PPP2R1B: variants seen among roughly 807,000 people sequenced by gnomAD.
PPP2R1B encodes protein phosphatase 2 scaffold subunit Abeta.
PPP2R1B carries 58 observed loss-of-function variants against 72.7 expected under a neutral mutation model. The ratio of observed to expected loss-of-function variants is 0.80; its 90% CI spans 0.65 to 0.99. PPP2R1B has a LOEUF of 0.99. Ranked by LOEUF, PPP2R1B falls within the 50% of genes least tolerant of loss-of-function variation. The pLI, the probability that PPP2R1B is intolerant of heterozygous loss-of-function variation, is 0.00. For missense variants in PPP2R1B, 695 were observed against 733.6 expected, an observed-to-expected ratio of 0.95 and a Z score of 0.61; for synonymous variants, 256 against 264.6, an observed-to-expected ratio of 0.97 and a Z score of 0.32.
At chr11:111,695,586 G>A in the PPP2R1B span, among the ~76,000 whole-genome samples, 4 of 152,100 alleles carry the variant, frequency 2.6e-5, no homozygotes, top group African/African-American at 9.6e-5. Context: ...CTGTTTTCTG[G>A]CTAGTCAAAA....
chr11:111,747,074 A>G (rs961166329), intron 11 of PPP2R1B, among the ~76,000 whole-genome samples: 5 of 152,204 alleles, frequency 3.3e-5, no homozygotes, highest in African/African-American at 1.2e-4. Context: ...CACTAAATAC[A>G]TATATCAAGT....
chr11:111,735,692 G>C (rs1056768074), downstream of PPP2R1B, among the ~76,000 whole-genome samples: 1 of 152,240 alleles, frequency 6.6e-6, no homozygotes, highest in Non-Finnish European at 1.5e-5. Flanking sequence ...CAGCCCCAGG[G>C]ATGTCCAATG....
chr11:111,766,316 C>T lies in PPP2R1B; in HGVS notation c.46G>A (p.Gly16Arg), dbSNP rs1555053169. ...ELGTGPGAAG[G>R]DGDDSLYPIA... is the part of the protein sequence containing the mutation. Reference sequence around the variant, plus strand: ...GGGTATAGCGAATCATCTCCATCTCCACCCGCTGCTCCTGGGCCGGTCCCG... The same window carrying T: ...GGGTATAGCGAATCATCTCCATCTCTACCCGCTGCTCCTGGGCCGGTCCCG... Residue 16 changes from glycine (G) to arginine (R), a missense_variant, in exon 1 of 15, where the codon GGA (glycine) becomes AGA (arginine). Transcript: ENST00000527614. 8 of 1,604,990 alleles carry T rather than the reference C, an allele frequency of 5.0e-6. No individual in the cohort carries two copies. In the East Asian group the frequency reaches 1.6e-4, roughly 31 times the overall value.
chr11:111,697,499 C>T, the PPP2R1B span, among the ~76,000 whole-genome samples: 2 of 152,120 alleles, frequency 1.3e-5, no homozygotes, highest in African/African-American at 2.4e-5. Flanking sequence ...ATGTTTCAAT[C>T]GCAATATAAT....
downstream of PPP2R1B, chr11:111,723,674 C>T (rs1327388735): frequency 1.2e-6 from 2 of 1,613,688 alleles, no homozygotes; most frequent in Non-Finnish European, 1.7e-6. Flanking sequence ...GCCCCTGAGC[C>T]CCGTCCTGGA....
At chr11:111,765,212 T>C (rs1945478173) in intron 2 of PPP2R1B, 82 bp downstream of exon 2, 2 of 1,333,476 alleles carry the variant, frequency 1.5e-6, no homozygotes, top group African/African-American at 2.9e-5. Context: ...TTAATGTGGG[T>C]AATAAACTCT....
chr11:111,760,794 A>G, intron 4 of PPP2R1B, 25 bp downstream of exon 4: 1 of 1,601,882 alleles, frequency 6.2e-7, no homozygotes, highest in Non-Finnish European at 8.5e-7. Flanking sequence ...CTGCTTTAAC[A>G]AGGCAAAAAA....
chr11:111,748,736 C>G (rs1944793285), intron 10 of PPP2R1B, among the ~76,000 whole-genome samples: 1 of 152,210 alleles, frequency 6.6e-6, no homozygotes, highest in African/African-American at 2.4e-5. Flanking sequence ...TACACATTTA[C>G]AGTCTTGCTT....
chr11:111,714,200 A>C, the PPP2R1B span, among the ~76,000 whole-genome samples: 2 of 152,228 alleles, frequency 1.3e-5, no homozygotes, highest in Non-Finnish European at 2.9e-5. Flanking sequence ...GTCCATCTCC[A>C]TAGAGAAGGG....
intron 15 of PPP2R1B, chr11:111,727,257 G>T (rs1565406892): frequency 5.0e-6 from 3 of 597,626 alleles, no homozygotes; most frequent in African/African-American, 1.9e-5. Context: ...GCCCACCAGG[G>T]GAGTGGGGAT....
the PPP2R1B span, among the ~76,000 whole-genome samples, chr11:111,711,735 G>C: frequency 2.0e-5 from 3 of 152,174 alleles, no homozygotes; most frequent in East Asian, 5.8e-4. Flanking sequence ...CCAAAAAGGC[G>C]GGTAGGGCAG....
the PPP2R1B span, among the ~76,000 whole-genome samples, chr11:111,717,209 G>C: frequency 2.6e-5 from 4 of 151,376 alleles, no homozygotes; most frequent in Non-Finnish European, 5.9e-5. Flanking sequence ...CCAGCTACTC[G>C]GGAGGCTGAG....
downstream of PPP2R1B, among the ~76,000 whole-genome samples, chr11:111,736,841 G>A (rs750703780): frequency 4.6e-5 from 7 of 152,156 alleles, no homozygotes; most frequent in South Asian, 2.1e-4. Flanking sequence ...GCATCCGCAC[G>A]AGGCAGCCAA....
downstream of PPP2R1B, chr11:111,722,642 ATGT>A (rs1323329831): frequency 1.2e-6 from 2 of 1,609,532 alleles, no homozygotes; most frequent in South Asian, 1.1e-5. This position sits in a 1 kb window ranked among gnomAD's most constrained non-coding sequence, Gnocchi z 4.4. Context: ...TGTCACGCTC[ATGT>A]TGTTTTTCTG....
chr11:111,705,548 C>A, the PPP2R1B span, among the ~76,000 whole-genome samples: 4 of 152,080 alleles, frequency 2.6e-5, no homozygotes, highest in Non-Finnish European at 5.9e-5. The surrounding 1 kb of genome is among the most constrained non-coding windows in gnomAD (Gnocchi z 4.3). Context: ...AAACAACCAT[C>A]ATTCAAAATA....
intron 11 of PPP2R1B, among the ~76,000 whole-genome samples, 200 bp from the exon 12 acceptor site, chr11:111,743,730 AAGG>A (rs1944605845): frequency 6.6e-6 from 1 of 152,244 alleles, no homozygotes; most frequent in Admixed American, 6.5e-5. Context: ...AAAGGGATGC[AAGG>A]AGCTCACCAT....
At chr11:111,703,438 G>C in the PPP2R1B span, 1 of 1,611,480 alleles carries the variant, frequency 6.2e-7, no homozygotes, top group East Asian at 2.2e-5. Context: ...AGTGATCAGA[G>C]ATTTCGGGGT....
chr11:111,731,421 C>G (rs1189417007), intron 15 of PPP2R1B, among the ~76,000 whole-genome samples: 2 of 152,268 alleles, frequency 1.3e-5, no homozygotes, highest in Non-Finnish European at 2.9e-5. Context: ...GCGGGGCACC[C>G]TTTTGAGGCC....
downstream of PPP2R1B, chr11:111,722,716 G>C: frequency 2.5e-6 from 4 of 1,614,160 alleles, no homozygotes; most frequent in Non-Finnish European, 3.4e-6. The surrounding 1 kb of genome is among the most constrained non-coding windows in gnomAD (Gnocchi z 4.4). Context: ...TTATTGCAAA[G>C]AACCACCGCG....
Sources: gnomAD v4.1 joint callset for allele counts (sites outside exome capture counted in the v4.1 genomes callset) on GRCh38, gnomAD v4.1.1 for gene constraint, Gnocchi (gnomAD v3.1) non-coding constraint, MANE v1.5 for transcripts, NCBI Gene and HGNC (gene_info 2026-07-23, HGNC 2026-07-21) for gene names.